MARCHF8: variants seen among roughly 807,000 people sequenced by gnomAD.
MARCHF8 encodes the protein membrane associated ring-CH-type finger 8, also known as E3 ubiquitin-protein ligase MARCHF8.
MARCHF8 carries 40 observed loss-of-function variants against 51.6 expected under a neutral mutation model. The ratio of observed to expected loss-of-function variants is 0.77; its 90% CI spans 0.60 to 1.01. The LOEUF (loss-of-function observed/expected upper bound fraction) is 1.01, where lower values mean the gene tolerates loss of function less well. MARCHF8 is among the 50% of genes least tolerant of loss of function. The pLI, the probability that MARCHF8 is intolerant of heterozygous loss-of-function variation, is 0.00. For synonymous variants in MARCHF8, 263 were observed against 280.3 expected, an observed-to-expected ratio of 0.94 and a Z score of 0.62; for missense variants, 685 against 708.6, an observed-to-expected ratio of 0.97 and a Z score of 0.38.
chr10:45,502,789 T>C (rs1452880623), intron 2 of MARCHF8, among the ~76,000 whole-genome samples: 1 of 152,090 alleles, frequency 6.6e-6, no homozygotes, highest in African/African-American at 2.4e-5. Flanking sequence ...TTAAAAGAAA[T>C]TCATCACATG....
chr10:45,518,095 C>T (rs1215989706), intron 2 of MARCHF8, among the ~76,000 whole-genome samples: 1 of 152,174 alleles, frequency 6.6e-6, no homozygotes, highest in Non-Finnish European at 1.5e-5. Flanking sequence ...GATGAGTGCA[C>T]ATCGTATCTC....
At chr10:45,485,783 C>G (rs1026669244) in intron 3 of MARCHF8, among the ~76,000 whole-genome samples, 1 of 152,014 alleles carries the variant, frequency 6.6e-6, no homozygotes, top group African/African-American at 2.4e-5. Flanking sequence ...ATGTGCTGAC[C>G]CCAGCTGGGG....
chr10:45,550,416 C>A (rs1360124047), intron 1 of MARCHF8, among the ~76,000 whole-genome samples: 2 of 152,148 alleles, frequency 1.3e-5, no homozygotes, highest in Non-Finnish European at 2.9e-5. Flanking sequence ...ACAGAAAAAT[C>A]GAAGGCAATT....
At chr10:45,532,393 A>G (rs1056737586) in intron 2 of MARCHF8, among the ~76,000 whole-genome samples, 1 of 152,198 alleles carries the variant, frequency 6.6e-6, no homozygotes, top group African/African-American at 2.4e-5. Context: ...TATGGACTAA[A>G]TGTTTATGTT....
intron 2 of MARCHF8, among the ~76,000 whole-genome samples, chr10:45,522,274 G>C (rs1013369959): frequency 6.6e-6 from 1 of 152,136 alleles, no homozygotes; most frequent in African/African-American, 2.4e-5. Context: ...TGGTATGGGA[G>C]GGCCACTGAG....
intron 3 of MARCHF8, among the ~76,000 whole-genome samples, chr10:45,488,685 G>A (rs1421371791): frequency 6.6e-6 from 1 of 152,132 alleles, no homozygotes; most frequent in African/African-American, 2.4e-5. Context: ...TTTGTTCAAG[G>A]AATGCAGTCT....
chr10:45,564,785 C>G (rs559675831), intron 1 of MARCHF8, among the ~76,000 whole-genome samples: 1 of 151,508 alleles, frequency 6.6e-6, no homozygotes, highest in Non-Finnish European at 1.5e-5. Flanking sequence ...TGACGGCCAG[C>G]TGATTTTTTT....
At chr10:45,572,148 T>TG (rs1266169693) in intron 1 of MARCHF8, among the ~76,000 whole-genome samples, 1 of 141,048 alleles carries the variant, frequency 7.1e-6, no homozygotes, top group South Asian at 2.4e-4. Context: ...TCCACTTTCC[T>TG]GGGGGGCAAG....
intron 2 of MARCHF8, among the ~76,000 whole-genome samples, chr10:45,529,633 T>C (rs923565322): frequency 2.0e-5 from 3 of 152,110 alleles, no homozygotes; most frequent in African/African-American, 7.2e-5. Flanking sequence ...ATAACCTTTT[T>C]AAAAAATGGG....
intron 1 of MARCHF8, among the ~76,000 whole-genome samples, chr10:45,548,899 G>A (rs1466820222): frequency 2.6e-5 from 4 of 151,638 alleles, no homozygotes; most frequent in African/African-American, 9.7e-5. Context: ...GGAGGCTGAG[G>A]CAAGAGAACT....
chr10:45,479,665 C>T (rs895775640), intron 3 of MARCHF8, among the ~76,000 whole-genome samples: 8 of 152,170 alleles, frequency 5.3e-5, no homozygotes, highest in Non-Finnish European at 8.8e-5. Flanking sequence ...CCTTGTCTGC[C>T]GCCATGTAAG....
At chr10:45,497,388 C>T (rs1043743517) in intron 2 of MARCHF8, among the ~76,000 whole-genome samples, 2 of 151,990 alleles carry the variant, frequency 1.3e-5, no homozygotes, top group African/African-American at 2.4e-5. Flanking sequence ...AATGAACAGC[C>T]GAGCTATGTA....
upstream of MARCHF8, among the ~76,000 whole-genome samples, chr10:45,538,260 C>T (rs2044002045): frequency 6.6e-6 from 1 of 152,136 alleles, no homozygotes; most frequent in South Asian, 2.1e-4. Flanking sequence ...TACAGACAAG[C>T]AAATGCTGAG....
At chr10:45,567,124 T>C (rs1010754283) in intron 1 of MARCHF8, among the ~76,000 whole-genome samples, 6 of 152,118 alleles carry the variant, frequency 3.9e-5, no homozygotes, top group African/African-American at 1.4e-4. Context: ...ATTGGATTAT[T>C]ACATTATTTT....
At chr10:45,495,411 T>C (rs569276383) in intron 2 of MARCHF8, among the ~76,000 whole-genome samples, 1 of 152,154 alleles carries the variant, frequency 6.6e-6, no homozygotes, top group Non-Finnish European at 1.5e-5. Context: ...TCTGTTTATG[T>C]ATTAAATCTC....
chr10:45,503,811 A>C (rs2043328102), intron 2 of MARCHF8, among the ~76,000 whole-genome samples: 1 of 32,656 alleles, frequency 3.1e-5, no homozygotes, highest in African/African-American at 1.5e-4. Context: ...ATAAATACTG[A>C]CACATACTAC....
upstream of MARCHF8, among the ~76,000 whole-genome samples, chr10:45,535,889 G>A (rs181447071): frequency 3.9e-5 from 6 of 152,210 alleles, no homozygotes; most frequent in African/African-American, 1.4e-4. Flanking sequence ...ACATCTAGAA[G>A]AGATACTGCC....
intron 1 of MARCHF8, among the ~76,000 whole-genome samples, chr10:45,575,263 CCTT>C (rs1205868215): frequency 6.6e-6 from 1 of 152,146 alleles, no homozygotes; most frequent in African/African-American, 2.4e-5. Context: ...CAGTTTTTCT[CCTT>C]CTCATCTGGC....
intron 3 of MARCHF8, among the ~76,000 whole-genome samples, chr10:45,488,658 T>A (rs974879456): frequency 6.6e-6 from 1 of 152,208 alleles, no homozygotes; most frequent in South Asian, 2.1e-4. Context: ...GGTTCTCTAC[T>A]GCAACATCTA....
Sources: gnomAD v4.1 joint callset for allele counts (sites outside exome capture counted in the v4.1 genomes callset) on GRCh38, gnomAD v4.1.1 for gene constraint, MANE v1.5 for transcripts, NCBI Gene and HGNC (gene_info 2026-07-23, HGNC 2026-07-21) for gene names.